Variants in COL26A1 observed in about 807,000 individuals in gnomAD.
COL26A1 encodes collagen alpha-1(XXVI) chain.
COL26A1 carries 41 observed loss-of-function variants against 59.3 expected under a neutral mutation model. The observed-to-expected ratio is 0.69, with a 90% confidence interval of 0.54 to 0.90. COL26A1 has a LOEUF of 0.90. COL26A1 is among the 40% of genes least tolerant of loss of function. The pLI is 0.00. For missense variants in COL26A1, 612 were observed against 602.3 expected, an observed-to-expected ratio of 1.02 and a Z score of -0.17; for synonymous variants, 266 against 256.0, an observed-to-expected ratio of 1.04 and a Z score of -0.37.
At chr7:101,401,445 A>T (rs1791992711) in intron 1 of COL26A1, among the ~76,000 whole-genome samples, 1 of 150,306 alleles carries the variant, frequency 6.7e-6, no homozygotes, top group Non-Finnish European at 1.5e-5. Flanking sequence ...GAAGGAAGAG[A>T]AAGAGGAGAG....
chr7:101,525,523 GT>G (rs1795226136), intron 3 of COL26A1, among the ~76,000 whole-genome samples: 1 of 141,050 alleles, frequency 7.1e-6, no homozygotes, highest in Non-Finnish European at 1.5e-5. Context: ...TTGAGATGGA[GT>G]CTCTCTCTGT....
At chr7:101,427,819 G>A (rs1472713819) in intron 2 of COL26A1, among the ~76,000 whole-genome samples, 1 of 152,050 alleles carries the variant, frequency 6.6e-6, no homozygotes, top group Non-Finnish European at 1.5e-5. Context: ...CCATTTTCAG[G>A]AGCTGTAGGG....
intron 3 of COL26A1, among the ~76,000 whole-genome samples, chr7:101,455,546 A>T (rs1793450856): frequency 7.5e-6 from 1 of 133,822 alleles, no homozygotes; most frequent in Admixed American, 8.3e-5. Context: ...CTTGTAGCCC[A>T]GGCTGGAGTG....
chr7:101,520,143 C>A (rs1363118649), intron 3 of COL26A1, among the ~76,000 whole-genome samples: 1 of 152,184 alleles, frequency 6.6e-6, no homozygotes, highest in African/African-American at 2.4e-5. Flanking sequence ...CAGGAAGGGA[C>A]AAGCTCTCTG....
Position 101,387,764 on chromosome 7 carries a change from A to ATTT in COL26A1, c.158+24575_158+24576insTTT, listed in dbSNP as rs1449600744. Among the ~76,000 whole-genome samples the ATTT allele has an allele frequency of 4.2e-4, 16 of 37,834 alleles. 1 individual carries two copies. The highest frequency in any genetic ancestry group is 1.2e-3 in the African/African-American group (16 of 13,908). The allele number at this position is 37,834 out of a possible 152,430, so 24.8% of individuals were successfully genotyped here. On this transcript the variant is annotated intron_variant, in intron 1 of 12. Coordinates refer to ENST00000313669, the MANE Select transcript of COL26A1 (RefSeq NM_001278563.3). ...TATATATATATATATTTATATATAT[A>ATTT]TATATATATATATATTTTTTTTTAA... is the stretch of plus-strand genomic sequence containing the variant.
intron 3 of COL26A1, among the ~76,000 whole-genome samples, chr7:101,523,214 C>T (rs904248481): frequency 6.6e-6 from 1 of 152,032 alleles, no homozygotes; most frequent in African/African-American, 2.4e-5. Flanking sequence ...GGATTACAGG[C>T]ATGCGCCACC....
At position 101,557,537 on chromosome 7, in the gene COL26A1, A is replaced by T. The variant is rs764878342; in HGVS notation, c.*7A>T. ...GGCCAGCAGCAGGAAGTGAGAGCCC[A>T]CTGCTCCAGGACACCCTGTCCTGGC... On this transcript the variant is annotated 3_prime_UTR_variant, in exon 13 of 13. Transcript: ENST00000313669. 2 of 1,603,622 alleles carry T rather than the reference A, an allele frequency of 1.2e-6. No individual in the cohort carries two copies. The highest frequency in any genetic ancestry group is 1.7e-4 in the Middle Eastern group (1 of 5,942).
At chr7:101,405,200 G>A (rs1034389112) in intron 1 of COL26A1, among the ~76,000 whole-genome samples, 2 of 152,032 alleles carry the variant, frequency 1.3e-5, no homozygotes, top group African/African-American at 4.8e-5. Context: ...TCCAGCCTGG[G>A]TGACGGAACA....
intron 3 of COL26A1, among the ~76,000 whole-genome samples, chr7:101,527,521 C>T (rs1795273664): frequency 6.7e-6 from 1 of 150,106 alleles, no homozygotes; most frequent in Admixed American, 6.7e-5. Context: ...TTTTTAGTAG[C>T]GACGGGGTTT....
intron 7 of COL26A1, among the ~76,000 whole-genome samples, chr7:101,546,918 A>G (rs1795747840): frequency 6.6e-6 from 1 of 152,098 alleles, no homozygotes; most frequent in African/African-American, 2.4e-5. Flanking sequence ...GGAATGTTCT[A>G]GAAGGTATTT....
intron 3 of COL26A1, among the ~76,000 whole-genome samples, chr7:101,526,215 A>T (rs755369746): frequency 6.6e-6 from 1 of 151,436 alleles, no homozygotes; most frequent in Non-Finnish European, 1.5e-5. Flanking sequence ...CATCCAGCTA[A>T]TTTTTGTATT....
At chr7:101,474,767 ATTTG>A (rs1039097978) in intron 3 of COL26A1, among the ~76,000 whole-genome samples, 3 of 152,336 alleles carry the variant, frequency 2.0e-5, no homozygotes, top group South Asian at 4.1e-4. Context: ...AAACATGCAC[ATTTG>A]TTTAAGTTTT....
At chr7:101,521,999 T>G (rs531463004) in intron 3 of COL26A1, among the ~76,000 whole-genome samples, 3 of 152,342 alleles carry the variant, frequency 2.0e-5, no homozygotes, top group South Asian at 2.1e-4. Context: ...TGCAATTTAT[T>G]TATCCAGTTG....
intron 3 of COL26A1, among the ~76,000 whole-genome samples, chr7:101,466,250 C>T (rs530156646): frequency 2.4e-4 from 36 of 152,146 alleles, no homozygotes; most frequent in Non-Finnish European, 3.8e-4. Context: ...GTGAGCACAG[C>T]GATACCTGTC....
chr7:101,372,061 A>G (rs1032460830), intron 1 of COL26A1, among the ~76,000 whole-genome samples: 2 of 151,986 alleles, frequency 1.3e-5, no homozygotes, highest in Non-Finnish European at 2.9e-5. Context: ...AGGATAGTAA[A>G]CCCTCTGTTC....
chr7:101,506,316 C>T (rs1354802939), intron 3 of COL26A1, among the ~76,000 whole-genome samples: 4 of 152,234 alleles, frequency 2.6e-5, no homozygotes, highest in South Asian at 2.1e-4. Context: ...AATAAACCAA[C>T]GCTGAAAAGC....
chr7:101,482,019 C>CT (rs377074370), intron 3 of COL26A1, among the ~76,000 whole-genome samples: 118 of 143,872 alleles, frequency 8.2e-4, no homozygotes, highest in African/African-American at 9.3e-4. Flanking sequence ...ACTCTTTTTC[C>CT]TTTTTTTTTT....
At chr7:101,458,816 T>A (rs1793540825) in intron 3 of COL26A1, among the ~76,000 whole-genome samples, 1 of 151,348 alleles carries the variant, frequency 6.6e-6, no homozygotes, top group Non-Finnish European at 1.5e-5. Flanking sequence ...TTTTTTTTTT[T>A]TTGGAGACAT....
intron 3 of COL26A1, among the ~76,000 whole-genome samples, chr7:101,459,205 C>T (rs1427071807): frequency 6.6e-6 from 1 of 152,154 alleles, no homozygotes; most frequent in Non-Finnish European, 1.5e-5. Context: ...CGAAGTTGTC[C>T]CAGTACAAGG....
Sources: allele counts gnomAD v4.1 joint callset (sites outside exome capture counted in the v4.1 genomes callset), GRCh38; gene constraint gnomAD v4.1.1; transcripts MANE v1.5; gene names NCBI Gene and HGNC (gene_info 2026-07-23, HGNC 2026-07-21).